The following ADCY9 variants were observed in gnomAD, a reference collection of about 807,000 sequenced individuals.
ADCY9 encodes the protein adenylate cyclase 9, also known as adenylate cyclase type 9.
In ADCY9, 50 loss-of-function variants were observed where a neutral mutation model predicts 101.5. The ratio of observed to expected loss-of-function variants is 0.49; its 90% CI spans 0.39 to 0.62. ADCY9 has a LOEUF of 0.62. ADCY9 is among the 20% of genes least tolerant of loss of function. The pLI, the probability that ADCY9 is intolerant of heterozygous loss-of-function variation, is 0.00. For missense variants in ADCY9, 1,662 were observed against 1,800.4 expected (o/e 0.92, Z 1.39); for synonymous variants, 905 against 769.3 (o/e 1.18, Z -2.92).
intron 6 of ADCY9, among the ~76,000 whole-genome samples, chr16:3,985,970 C>T (rs2056189072): frequency 3.3e-5 from 1 of 30,378 alleles, no homozygotes; most frequent in Non-Finnish European, 9.2e-5. Context: ...CTTTCGCCCT[C>T]TCTCCCCATG....
rs775103920 is a variant in ADCY9, at chr16:4,114,096, C to A, written c.1347G>T (p.Ala449=). The A allele has an allele frequency of 1.2e-6, 2 of 1,613,718 alleles. No homozygotes were observed. Among genetic ancestry groups the A allele is most frequent in the African/African-American group, 1.3e-5 (1 of 74,912 alleles). The change falls in exon 2 of 11, where the codon GCG becomes GCT. Residue 449 remains alanine (A), a synonymous_variant. Transcript: ENST00000294016. This position sits in a 1 kb window ranked among gnomAD's most constrained non-coding sequence, Gnocchi z 4.3. ...STLGDCYYCV[A]GCPEPRADHA... The stretch of plus-strand genomic sequence containing the variant: ...GGTCGGCCCGGGGCTCGGGACAGCC[C>A]GCCACGCAGTAGTAACAGTCTCCCA...
chr16:4,018,121 G>A (rs1160716955), intron 2 of ADCY9, among the ~76,000 whole-genome samples: 2 of 152,176 alleles, frequency 1.3e-5, no homozygotes, highest in African/African-American at 4.8e-5. Context: ...GGCATCTTCA[G>A]CTGGAAGAAA....
At chr16:3,972,766 G>A (rs1367864156) in intron 10 of ADCY9, among the ~76,000 whole-genome samples, 1 of 152,100 alleles carries the variant, frequency 6.6e-6, no homozygotes, top group African/African-American at 2.4e-5. Flanking sequence ...GTCAGGTCGG[G>A]GGAGAGGGGG....
In ADCY9 at chr16:3,979,205, G is replaced by C. The variant is rs1004277264; in HGVS notation, c.2590C>G (p.Pro864Ala). The C allele has an allele frequency of 6.2e-7, 1 of 1,613,950 alleles. No homozygotes were observed. Among genetic ancestry groups the C allele is most frequent in the Non-Finnish European group, 8.5e-7 (1 of 1,180,016 alleles). The change falls in exon 8 of 11, where the codon CCA becomes GCA. Residue 864 changes from proline to alanine, a missense_variant. By Grantham distance (27) the Pro-to-Ala change is conservative (BLOSUM62 -1). This residue lies in a region of ADCY9 where 624 missense variants were observed against 639.1 expected (regional missense o/e 0.98). Transcript: ENST00000294016. ...AGGATGGCCCCGATGCAGTGACGTG[G>C]TAGCCAGCCGGCGATCCACTCCAGC... ...RLLEWIAGWL[P>A]RHCIGAILVS... is the part of the protein sequence containing the mutation.
intron 2 of ADCY9, among the ~76,000 whole-genome samples, chr16:4,045,291 T>A (rs1380467596): frequency 6.6e-6 from 1 of 151,944 alleles, no homozygotes; most frequent in Admixed American, 6.6e-5. Context: ...TTAATCTCTG[T>A]TTAGTTAGGA....
intron 9 of ADCY9, among the ~76,000 whole-genome samples, chr16:3,976,394 C>A (rs1002961692): frequency 6.6e-6 from 1 of 152,128 alleles, no homozygotes; most frequent in African/African-American, 2.4e-5. Context: ...AAATATAGCA[C>A]CTATCACTGC....
chr16:3,987,141 C>T (rs1161605461), intron 6 of ADCY9, among the ~76,000 whole-genome samples: 1 of 152,264 alleles, frequency 6.6e-6, no homozygotes, highest in Non-Finnish European at 1.5e-5. Context: ...CCCACTGAGG[C>T]AGGCTCAGGA....
At chr16:3,984,033 G>C (rs934224680) in intron 6 of ADCY9, 3 of 152,742 alleles carry the variant, frequency 2.0e-5, no homozygotes, top group African/African-American at 7.2e-5. Context: ...AAGCCGCAGT[G>C]AACTATGATC....
intron 5 of ADCY9, among the ~76,000 whole-genome samples, chr16:3,956,055 A>C (rs2055904734): frequency 6.6e-6 from 1 of 151,912 alleles, no homozygotes; most frequent in Non-Finnish European, 1.5e-5. Flanking sequence ...CGTAGAAAAA[A>C]TTTCTACAAG....
intron 2 of ADCY9, among the ~76,000 whole-genome samples, chr16:4,090,092 G>T (rs1444826124): frequency 6.6e-6 from 1 of 152,068 alleles, no homozygotes; most frequent in Non-Finnish European, 1.5e-5. Flanking sequence ...CCCAACAAGG[G>T]CACTTTTCAG....
At chr16:4,097,543 ATATATATATATTTTTTTT>A (rs1392809454) in intron 2 of ADCY9, among the ~76,000 whole-genome samples, 26 of 52,370 alleles carry the variant, frequency 5.0e-4, no homozygotes, top group African/African-American at 1.9e-3. Flanking sequence ...ATATATATAT[ATATATATATATTTTTTTT>A]TTTTTTTTTT....
intron 2 of ADCY9, among the ~76,000 whole-genome samples, chr16:4,061,165 G>T (rs1450216711): frequency 6.6e-6 from 1 of 151,576 alleles, no homozygotes; most frequent in South Asian, 2.1e-4. Flanking sequence ...CCAATCTGAA[G>T]AAGAAATAAA....
At chr16:3,988,836 T>C (rs993875961) in intron 6 of ADCY9, among the ~76,000 whole-genome samples, 158 bp downstream of exon 6, 6 of 152,224 alleles carry the variant, frequency 3.9e-5, no homozygotes, top group Non-Finnish European at 7.3e-5. Flanking sequence ...CAAAGAGACA[T>C]TTCATGTACA....
At chr16:4,024,803 C>T (rs1422333300) in intron 2 of ADCY9, among the ~76,000 whole-genome samples, 1 of 152,018 alleles carries the variant, frequency 6.6e-6, no homozygotes, top group African/African-American at 2.4e-5. Context: ...TGAGTGAGAC[C>T]AGAAGAAGTA....
intron 7 of ADCY9, among the ~76,000 whole-genome samples, chr16:3,980,060 C>T (rs546140237): frequency 2.6e-4 from 40 of 152,372 alleles, no homozygotes; most frequent in African/African-American, 8.7e-4. Context: ...CCCGCACACG[C>T]GTGCCGTCTG....
At chr16:3,971,610 A>G (rs2056052713) in intron 10 of ADCY9, among the ~76,000 whole-genome samples, 1 of 152,172 alleles carries the variant, frequency 6.6e-6, no homozygotes, top group Admixed American at 6.5e-5. Context: ...GTCCAGCTCC[A>G]TGAGCCCTCT....
At chr16:4,052,924 C>T (rs752531320) in intron 2 of ADCY9, among the ~76,000 whole-genome samples, 14 of 152,168 alleles carry the variant, frequency 9.2e-5, no homozygotes, top group Non-Finnish European at 1.5e-4. Context: ...TTGACATGAG[C>T]GGCTCTTCAA....
chr16:4,007,819 C>T (rs1312807149), intron 2 of ADCY9, among the ~76,000 whole-genome samples: 1 of 151,976 alleles, frequency 6.6e-6, no homozygotes, highest in Non-Finnish European at 1.5e-5. Context: ...GTTTTACCTT[C>T]AGGGTTAAAA....
chr16:4,035,456 A>T (rs1169552000), intron 2 of ADCY9, among the ~76,000 whole-genome samples: 2 of 152,186 alleles, frequency 1.3e-5, no homozygotes, highest in Non-Finnish European at 2.9e-5. Flanking sequence ...TGCCATACAG[A>T]GTGATTATGG....
Sources: allele counts gnomAD v4.1 joint callset (sites outside exome capture counted in the v4.1 genomes callset), GRCh38; gene constraint gnomAD v4.1.1; regional missense constraint gnomAD v4.1.1; non-coding constraint Gnocchi (gnomAD v3.1); transcripts MANE v1.5; gene names NCBI Gene and HGNC (gene_info 2026-07-23, HGNC 2026-07-21).